KIAA0930: variants seen among roughly 807,000 people sequenced by gnomAD.
The protein encoded by KIAA0930 is uncharacterized protein KIAA0930.
Under a neutral mutation model 43.9 loss-of-function variants are expected in KIAA0930, and 24 were observed. The observed-to-expected ratio is 0.55, with a 90% CI of 0.40 to 0.77. The LOEUF (loss-of-function observed/expected upper bound fraction) is 0.77, where lower values mean the gene tolerates loss of function less well. Among genes scored for constraint, KIAA0930 ranks in the 30% least tolerant of loss-of-function variants. The pLI, the probability that KIAA0930 is intolerant of heterozygous loss-of-function variation, is 0.00. For missense variants in KIAA0930, 461 were observed against 574.2 expected (o/e 0.80, Z 2.02); for synonymous variants, 259 against 216.4 (o/e 1.20, Z -1.73).
At chr22:45,203,308 G>A (rs1044444236) in intron 6 of KIAA0930, 124 bp from the exon 7 acceptor site, 17 of 972,232 alleles carry the variant, frequency 1.7e-5, no homozygotes, top group Non-Finnish European at 2.3e-5. Flanking sequence ...GGGAGGGAGC[G>A]TCTGAGCTGG....
chr22:45,223,561 C>T (rs1027368732), intron 1 of KIAA0930, among the ~76,000 whole-genome samples: 1 of 152,174 alleles, frequency 6.6e-6, no homozygotes, highest in Non-Finnish European at 1.5e-5. Flanking sequence ...GGCACCGAGC[C>T]AGCACCTAGG....
At chr22:45,226,095 C>T (rs541843773) in intron 1 of KIAA0930, 8 of 373,046 alleles carry the variant, frequency 2.1e-5, no homozygotes, top group Non-Finnish European at 3.9e-5. Flanking sequence ...AAACACAGGA[C>T]GTGCCGAGCC....
Position 45,212,082 on chromosome 22 carries a change from G to A in KIAA0930, c.90C>T (p.Val30=), listed in dbSNP as rs750394473. The change falls in exon 2 of 10, where the codon GTC becomes GTT. Residue 30 remains valine, a synonymous_variant. Transcript: ENST00000336156. ...AGGTGGAGAACATCCAAGTCCAGAA[G>A]ACGATGCGGTCATCCTTGAAGCACC... ...GLGCFKDDRI[V]FWTWMFSTYF... The A allele has an allele frequency of 1.9e-6, 3 of 1,613,962 alleles. No homozygotes were observed. Among genetic ancestry groups the A allele is most frequent in the Non-Finnish European group, 2.5e-6 (3 of 1,180,012 alleles).
chr22:45,211,638 A>G (rs2083694321), intron 2 of KIAA0930, among the ~76,000 whole-genome samples: 1 of 152,092 alleles, frequency 6.6e-6, no homozygotes, highest in South Asian at 2.1e-4. Flanking sequence ...TTGCTCTACC[A>G]TCTACTGACT....
chr22:45,202,121 C>G (rs2083594283), intron 7 of KIAA0930, among the ~76,000 whole-genome samples: 1 of 152,268 alleles, frequency 6.6e-6, no homozygotes, highest in Non-Finnish European at 1.5e-5. Context: ...GGTGGCGTCT[C>G]TCCTGGACAA....
chr22:45,206,039 A>G (rs1301487186), intron 2 of KIAA0930, 127 bp from the exon 3 acceptor site: 10 of 1,463,844 alleles, frequency 6.8e-6, no homozygotes, highest in Non-Finnish European at 9.2e-6. Flanking sequence ...TTTTTGAGAC[A>G]GGGTCTCACA....
At chr22:45,211,468 T>C in intron 2 of KIAA0930, 1 of 401,462 alleles carries the variant, frequency 2.5e-6, no homozygotes, top group Admixed American at 4.3e-5. Flanking sequence ...CCTGTCGAGT[T>C]GTTGGGACTT....
intron 1 of KIAA0930, among the ~76,000 whole-genome samples, chr22:45,221,143 C>T (rs2083765294): frequency 6.6e-6 from 1 of 152,198 alleles, no homozygotes; most frequent in Non-Finnish European, 1.5e-5. Flanking sequence ...AATTGCAAAT[C>T]CCACCCTCAA....
In KIAA0930 at chr22:45,197,253, C is replaced by T. The variant is rs762476537; in HGVS notation, c.1175-37G>A. The T allele has an allele frequency of 1.2e-5, 18 of 1,539,006 alleles. No individual in the cohort carries two copies. The Middle Eastern group carries it at 5.0e-4, about 43-fold the overall frequency. ...AGGAGGGAAGCAGGTGAAACAGTAA[C>T]CCTCAACAGCGGTGAGTGCTATGGT... is the stretch of plus-strand genomic sequence containing the variant. On this transcript the variant is annotated intron_variant, in intron 9 of 9. Coordinates refer to ENST00000336156, the MANE Select transcript of KIAA0930 (RefSeq NM_001009880.2).
Position 45,203,303 on chromosome 22 carries a change from G to A in KIAA0930, c.658-119C>T, listed in dbSNP as rs1601810376. ...TCAAGGAGCGGGGGCTGCCCGGGAG[G>A]GAGCGTCTGAGCTGGCAGGCGGGGC... is the stretch of plus-strand genomic sequence containing the variant. On this transcript the variant is annotated intron_variant, in intron 6 of 9. Coordinates refer to ENST00000336156, the MANE Select transcript of KIAA0930 (RefSeq NM_001009880.2). The A allele has an allele frequency of 1.5e-5, 16 of 1,042,060 alleles. No individual in the cohort carries two copies. The East Asian group carries it at 1.8e-4, about 11-fold the overall frequency. The allele number at this position is 1,042,060 out of a possible 1,614,324, so 64.6% of individuals were successfully genotyped here.
At chr22:45,231,186 G>C (rs1452576490) in intron 1 of KIAA0930, among the ~76,000 whole-genome samples, 3 of 145,550 alleles carry the variant, frequency 2.1e-5, no homozygotes, top group Non-Finnish European at 3.0e-5. Flanking sequence ...CCAGGAGGCA[G>C]AGGTTGCAGT....
intron 8 of KIAA0930, 173 bp from the exon 9 acceptor site, chr22:45,198,121 A>G (rs5766528): frequency 0.41 from 254,713 of 616,612 alleles, 54,852 homozygotes; most frequent in African/African-American, 0.63. Context: ...CCTCGCCTGT[A>G]ACACCCCTCC....
In KIAA0930 at chr22:45,231,811, T is replaced by C. The variant is rs1469748928; in HGVS notation, c.64+8829A>G. 3.9e-5 allele frequency among the ~76,000 whole-genome samples: 6 copies of C among 152,104 alleles called. No individual in the cohort carries two copies. The East Asian group carries it at 1.2e-3, about 29-fold the overall frequency. On this transcript the variant is annotated intron_variant, in intron 1 of 9. Transcript: ENST00000336156. ...GGAGATCAAGACCATCCTAACATGG[T>C]GAAACCCCGTCTCTACTAAAAATAC...
chr22:45,201,798 C>T (rs576758275), intron 7 of KIAA0930, among the ~76,000 whole-genome samples: 2 of 152,302 alleles, frequency 1.3e-5, no homozygotes, highest in African/African-American at 2.4e-5. Context: ...TCTGACCACC[C>T]GGAGATATGC....
chr22:45,205,770 G>GGC, intron 3 of KIAA0930, 23 bp downstream of exon 3: 4 of 1,523,772 alleles, frequency 2.6e-6, no homozygotes, highest in Non-Finnish European at 3.6e-6. Flanking sequence ...CCAATCCGCA[G>GGC]CCCCACCCAT....
chr22:45,201,328 A>G (rs1363024081), intron 7 of KIAA0930, among the ~76,000 whole-genome samples: 1 of 152,166 alleles, frequency 6.6e-6, no homozygotes, highest in African/African-American at 2.4e-5. Flanking sequence ...GTGTGACCCT[A>G]GCACATCCCT....
In KIAA0930 at chr22:45,217,633, C is replaced by T. The variant is rs1002464679; in HGVS notation, c.65-5526G>A. On this transcript the variant is annotated intron_variant, in intron 1 of 9. Coordinates refer to ENST00000336156, the MANE Select transcript of KIAA0930 (RefSeq NM_001009880.2). ...AAGGACACTTCTTTACAGTGTGAGACGGAGCATCGCCTTGTCTGACCTCAG... is the reference window on the plus strand; with the variant it reads ...AAGGACACTTCTTTACAGTGTGAGATGGAGCATCGCCTTGTCTGACCTCAG... 5.3e-5 allele frequency among the ~76,000 whole-genome samples: 8 copies of T among 152,120 alleles called. No individual in the cohort carries two copies. In the East Asian group the frequency reaches 5.8e-4, roughly 11 times the overall value.
At chr22:45,199,746 A>T (rs2083569633) in intron 8 of KIAA0930, 127 bp downstream of exon 8, 2 of 1,009,430 alleles carry the variant, frequency 2.0e-6, no homozygotes, top group Middle Eastern at 2.2e-4. Flanking sequence ...TGCCTGGCAC[A>T]TGGCACCCAC....
chr22:45,205,496 G>T (rs1328737502), intron 4 of KIAA0930, 134 bp downstream of exon 4: 14 of 930,378 alleles, frequency 1.5e-5, no homozygotes, highest in Middle Eastern at 2.9e-4. Flanking sequence ...CGGGATCCCA[G>T]GAGCTGAGCA....
Sources: gnomAD v4.1 joint callset for allele counts (sites outside exome capture counted in the v4.1 genomes callset) on GRCh38, gnomAD v4.1.1 for gene constraint, MANE v1.5 for transcripts, NCBI Gene and HGNC (gene_info 2026-07-23, HGNC 2026-07-21) for gene names.